The following CDC123 variants were observed in gnomAD, a reference collection of about 807,000 sequenced individuals.
CDC123 encodes translation initiation factor eIF2 assembly protein.
A neutral mutation model predicts 54.4 loss-of-function variants in CDC123; 37 were observed. The observed-to-expected ratio is 0.68, with a 90% CI of 0.52 to 0.89. The LOEUF is 0.89. CDC123 is among the 40% of genes least tolerant of loss of function. CDC123 has a pLI of 0.00. For synonymous variants in CDC123, 144 were observed against 136.8 expected (o/e 1.05, Z -0.37); for missense variants, 361 against 412.1 (o/e 0.88, Z 1.07).
intron 6 of CDC123, among the ~76,000 whole-genome samples, chr10:12,230,365 G>T (rs1835884072): frequency 1.3e-5 from 2 of 152,038 alleles, no homozygotes; most frequent in Admixed American, 1.3e-4. Context: ...GCTAATTTTT[G>T]TATTTTTACT....
chr10:12,241,787 A>G lies in CDC123; in HGVS notation c.717+3302A>G, dbSNP rs1188445631. Among the ~76,000 whole-genome samples, 8 of 152,290 alleles carry G rather than the reference A, an allele frequency of 5.3e-5. 1 individual carries two copies. The East Asian group carries it at 1.5e-3, about 29-fold the overall frequency. On this transcript the variant is annotated intron_variant, in intron 10 of 12. Transcript: ENST00000281141. ...GTTCCTCAAAACTCATTCAGAGAAG[A>G]ACAGTCATTGTGTCCTGCCCTGTCA...
chr10:12,240,922 A>C (rs533496824), intron 10 of CDC123, among the ~76,000 whole-genome samples: 2 of 152,316 alleles, frequency 1.3e-5, no homozygotes, highest in African/African-American at 4.8e-5. Flanking sequence ...CACACGCTGC[A>C]GGTGAATCTA....
intron 6 of CDC123, among the ~76,000 whole-genome samples, chr10:12,218,961 T>C (rs1835697139): frequency 6.6e-6 from 1 of 152,208 alleles, no homozygotes; most frequent in South Asian, 2.1e-4. Context: ...TTATCTCAGG[T>C]AAACTCATCT....
rs952864445 is a variant in CDC123 at position 12,221,906 on chromosome 10, C to A, written c.440+4439C>A. Among the ~76,000 whole-genome samples, 5 of 151,872 alleles carry A rather than the reference C, an allele frequency of 3.3e-5. No individual in the cohort carries two copies. In the East Asian group the frequency reaches 9.6e-4, roughly 29 times the overall value. On this transcript the variant is annotated intron_variant, in intron 6 of 12. Coordinates refer to ENST00000281141, the MANE Select transcript of CDC123 (RefSeq NM_006023.3). ...CCAGGGAAGCTAAAAGTTTGGACAC[C>A]CCTGGTTAGACCAAGGTTCTCGACA...
intron 6 of CDC123, among the ~76,000 whole-genome samples, chr10:12,225,444 A>G (rs1477580452): frequency 6.6e-6 from 1 of 152,198 alleles, no homozygotes; most frequent in Non-Finnish European, 1.5e-5. Context: ...TCTAGTCCCC[A>G]TCTTGGACAC....
intron 6 of CDC123, among the ~76,000 whole-genome samples, chr10:12,230,537 A>G (rs1052372336): frequency 5.9e-5 from 9 of 152,172 alleles, no homozygotes; most frequent in Non-Finnish European, 1.3e-4. Flanking sequence ...ATGCCTAATT[A>G]TCACATCATG....
chr10:12,242,037 C>T (rs879335070), intron 10 of CDC123, among the ~76,000 whole-genome samples: 2 of 151,814 alleles, frequency 1.3e-5, no homozygotes, highest in East Asian at 1.9e-4. Context: ...AACGGCTTGT[C>T]GTAGCATGTG....
intron 2 of CDC123, among the ~76,000 whole-genome samples, chr10:12,205,799 C>G (rs1461725594): frequency 6.6e-6 from 1 of 151,068 alleles, no homozygotes; most frequent in Non-Finnish European, 1.5e-5. Context: ...AATAAACTTT[C>G]ACTTTTTTTT....
chr10:12,202,757 G>A (rs751175730), intron 2 of CDC123, among the ~76,000 whole-genome samples: 7 of 152,254 alleles, frequency 4.6e-5, no homozygotes, highest in Non-Finnish European at 1.0e-4. Flanking sequence ...GCTCACGCCT[G>A]TAATCCCAGC....
At chr10:12,242,808 G>T (rs1836077032) in intron 10 of CDC123, among the ~76,000 whole-genome samples, 1 of 152,044 alleles carries the variant, frequency 6.6e-6, no homozygotes, top group African/African-American at 2.4e-5. Context: ...CAGGCACAGT[G>T]GCAGGCGCCT....
At chr10:12,227,533 T>C (rs900237462) in intron 6 of CDC123, among the ~76,000 whole-genome samples, 1 of 152,020 alleles carries the variant, frequency 6.6e-6, no homozygotes, top group African/African-American at 2.4e-5. Context: ...AGTCTCACTC[T>C]ATTGCCCAGG....
At chr10:12,222,579 TTTA>T in intron 6 of CDC123, among the ~76,000 whole-genome samples, 1 of 152,356 alleles carries the variant, frequency 6.6e-6, no homozygotes, top group East Asian at 1.9e-4. Flanking sequence ...CTTTCATTAT[TTTA>T]TTGTCACTTC....
At chr10:12,225,161 G>A (rs889511747) in intron 6 of CDC123, among the ~76,000 whole-genome samples, 4 of 152,122 alleles carry the variant, frequency 2.6e-5, no homozygotes, top group African/African-American at 9.7e-5. Context: ...TTGGGAGGCC[G>A]AGGCAGGTGG....
intron 4 of CDC123, among the ~76,000 whole-genome samples, chr10:12,213,766 C>T (rs1441694277): frequency 6.6e-6 from 1 of 151,874 alleles, no homozygotes. Context: ...AGAACTGGTT[C>T]AAAAGAGAAT....
intron 6 of CDC123, among the ~76,000 whole-genome samples, chr10:12,229,978 C>T (rs1835876885): frequency 6.6e-6 from 1 of 152,210 alleles, no homozygotes; most frequent in Admixed American, 6.5e-5. Flanking sequence ...TGCCTTCCTG[C>T]CCTCGTTGAG....
chr10:12,201,258 A>C (rs1302520297), intron 2 of CDC123, among the ~76,000 whole-genome samples: 1 of 152,232 alleles, frequency 6.6e-6, no homozygotes, highest in African/African-American at 2.4e-5. Flanking sequence ...GTATGCTCTT[A>C]AAACATGGAA....
chr10:12,213,594 A>G (rs1042160555), intron 4 of CDC123, among the ~76,000 whole-genome samples: 4 of 151,978 alleles, frequency 2.6e-5, no homozygotes, highest in African/African-American at 9.7e-5. Context: ...AGACGTTACT[A>G]GGACACTTGG....
intron 2 of CDC123, chr10:12,199,016 GA>G (rs1386112730): frequency 2.7e-6 from 1 of 365,528 alleles, no homozygotes; most frequent in Non-Finnish European, 4.9e-6. Context: ...TCTGTCTTTA[GA>G]AAACAGTTAT....
At chr10:12,228,319 A>G (rs1835854978) in intron 6 of CDC123, among the ~76,000 whole-genome samples, 1 of 152,110 alleles carries the variant, frequency 6.6e-6, no homozygotes, top group Admixed American at 6.6e-5. Flanking sequence ...CTAGTTTTAG[A>G]TTATTAGTCC....
Sources: allele counts gnomAD v4.1 joint callset (sites outside exome capture counted in the v4.1 genomes callset), GRCh38; gene constraint gnomAD v4.1.1; transcripts MANE v1.5; gene names NCBI Gene and HGNC (gene_info 2026-07-23, HGNC 2026-07-21).